SAMD13: variants seen among roughly 807,000 people sequenced by gnomAD.
SAMD13 encodes sterile alpha motif domain-containing protein 13.
A neutral mutation model predicts 12.4 loss-of-function variants in SAMD13; 9 were observed. The observed-to-expected ratio is 0.72, with a 90% confidence interval of 0.44 to 1.26. The LOEUF is 1.26. Among genes scored for constraint, SAMD13 ranks in the 50% most tolerant of loss-of-function variants. The probability of loss-of-function intolerance (pLI) is 0.00; values close to 1 mark genes in which losing one functional copy is unlikely to be tolerated. For missense variants in SAMD13, 84 were observed against 119.6 expected, an observed-to-expected ratio of 0.70 and a Z score of 1.39; for synonymous variants, 46 against 45.4, an observed-to-expected ratio of 1.01 and a Z score of -0.05.
chr1:84,348,594 A>C (rs1679583295), intron 3 of SAMD13, among the ~76,000 whole-genome samples: 2 of 152,224 alleles, frequency 1.3e-5, no homozygotes, highest in Admixed American at 1.3e-4. Context: ...AAACAATAAC[A>C]AAAATAATGT....
At chr1:84,341,879 C>A (rs1457957845) in intron 3 of SAMD13, among the ~76,000 whole-genome samples, 1 of 152,132 alleles carries the variant, frequency 6.6e-6, no homozygotes, top group Non-Finnish European at 1.5e-5. Flanking sequence ...AGTAGACCAA[C>A]AGATATTACC....
At chr1:84,325,857 G>C in intron 3 of SAMD13, 109 bp downstream of exon 3, 1 of 683,192 alleles carries the variant, frequency 1.5e-6, no homozygotes, top group South Asian at 1.7e-5. Flanking sequence ...AAAGAGCAGG[G>C]AGGAATCAGT....
upstream of SAMD13, among the ~76,000 whole-genome samples, chr1:84,298,952 A>C (rs1488980475): frequency 1.3e-5 from 2 of 152,088 alleles, no homozygotes; most frequent in Non-Finnish European, 1.5e-5. Context: ...CCTCTCCGTG[A>C]AAGTCTTAGC....
Position 84,338,760 on chromosome 1 carries a change from A to G in SAMD13, c.166-10871A>G, listed in dbSNP as rs188712173. ...GCTGGGAACTCCTCTTTTTAAAACC[A>G]TTAGATCTCCTGAGACTTATTCACT... On this transcript the variant is annotated intron_variant, in intron 3 of 3. Transcript: ENST00000394834. Among the ~76,000 whole-genome samples, 681 of 152,156 alleles carry G rather than the reference A, an allele frequency of 4.5e-3. 9 individuals carry two copies. Among genetic ancestry groups the G allele is most frequent in the Non-Finnish European group, 4.9e-3 (330 of 67,980 alleles).
chr1:84,309,596 G>T (rs374291649), intron 2 of SAMD13, among the ~76,000 whole-genome samples: 2 of 152,034 alleles, frequency 1.3e-5, no homozygotes, highest in Non-Finnish European at 2.9e-5. Context: ...TATGATTTTG[G>T]CATGACAATC....
At chr1:84,325,866 GT>G in intron 3 of SAMD13, 118 bp downstream of exon 3, 5 of 655,092 alleles carry the variant, frequency 7.6e-6, no homozygotes. Context: ...GGAGGAATCA[GT>G]GAGGCTCTGA....
At chr1:84,331,983 A>G (rs1679200091) in intron 3 of SAMD13, among the ~76,000 whole-genome samples, 2 of 152,006 alleles carry the variant, frequency 1.3e-5, no homozygotes, top group Non-Finnish European at 1.5e-5. Flanking sequence ...AACATAAGGT[A>G]TTTGGTTTTC....
At chr1:84,299,620 G>A, upstream of SAMD13, 2 of 1,508,214 alleles carry the variant, frequency 1.3e-6, no homozygotes, top group Non-Finnish European at 1.8e-6. Context: ...AGGATTGATG[G>A]CAAACAGTTT....
At chr1:84,316,473 A>G (rs959516766) in intron 2 of SAMD13, among the ~76,000 whole-genome samples, 5 of 151,880 alleles carry the variant, frequency 3.3e-5, no homozygotes, top group Admixed American at 2.6e-4. Context: ...AGTTGAAGAG[A>G]CTCATCTTTC....
At chr1:84,345,578 G>A (rs774586420) in intron 3 of SAMD13, among the ~76,000 whole-genome samples, 15 of 152,270 alleles carry the variant, frequency 9.9e-5, no homozygotes, top group Middle Eastern at 3.4e-3. Context: ...CCCAGTCAGC[G>A]CAGAGCCCGA....
chr1:84,317,388 T>A (rs1409307910), intron 2 of SAMD13, among the ~76,000 whole-genome samples: 1 of 152,194 alleles, frequency 6.6e-6, no homozygotes, highest in East Asian at 1.9e-4. Flanking sequence ...CCTCTATCCC[T>A]ACTTTGTTGA....
At chr1:84,322,581 T>C (rs1239629879) in intron 2 of SAMD13, among the ~76,000 whole-genome samples, 1 of 152,206 alleles carries the variant, frequency 6.6e-6, no homozygotes, top group Admixed American at 6.5e-5. Context: ...GCTACAAAGA[T>C]GAAGATAGGT....
chr1:84,311,341 AAAAAAAAAAGAAAAG>A, intron 2 of SAMD13, among the ~76,000 whole-genome samples: 1 of 151,364 alleles, frequency 6.6e-6, no homozygotes. Flanking sequence ...CTAAAAAAAA[AAAAAAAAAAGAAAAG>A]AAAAGAAAAG....
Position 84,325,419 on chromosome 1 carries a change from A to G in SAMD13, c.54-218A>G, listed in dbSNP as rs191161850. ...GAATATCATACTCTGGGCTGCCAGC[A>G]GTCACTGGACCACTCTCAATGTCTC... is the stretch of plus-strand genomic sequence containing the variant. On this transcript the variant is annotated intron_variant, in intron 2 of 3. Transcript: ENST00000394834. Among the ~76,000 whole-genome samples the G allele has an allele frequency of 1.3e-4, 20 of 152,328 alleles. No individual in the cohort carries two copies. The East Asian group carries it at 3.9e-3, about 29-fold the overall frequency.
intron 2 of SAMD13, among the ~76,000 whole-genome samples, chr1:84,311,157 GAAATCCCATCTCTACTA>G (rs913469378): frequency 6.1e-4 from 93 of 151,994 alleles, no homozygotes; most frequent in African/African-American, 2.0e-3. Context: ...CCAACATGGT[GAAATCCCATCTCTACTA>G]AAAATACAAA....
In SAMD13 at chr1:84,321,802, C is replaced by T. The variant is rs183087130; in HGVS notation, c.54-3835C>T. Among the ~76,000 whole-genome samples, 4 of 152,278 alleles carry T rather than the reference C, an allele frequency of 2.6e-5. No individual in the cohort carries two copies. In the East Asian group the frequency reaches 5.8e-4, roughly 22 times the overall value. On this transcript the variant is annotated intron_variant, in intron 2 of 3. Transcript: ENST00000394834. The stretch of plus-strand genomic sequence containing the variant: ...GGCTTTGGCCCTCTGGCTCCTGCCC[C>T]GCACACCCTTCCACTTGGCTTACGC...
At position 84,347,844 on chromosome 1, in the gene SAMD13, C is replaced by T. The variant is rs1200323012; in HGVS notation, c.166-1787C>T. 3.3e-5 allele frequency among the ~76,000 whole-genome samples: 5 copies of T among 152,166 alleles called. No homozygotes were observed. The South Asian group carries it at 8.3e-4, about 25-fold the overall frequency. The stretch of plus-strand genomic sequence containing the variant: ...CAGCAATCTCTAGGATTACTACTTG[C>T]CTAAATAAGAAGCAAAGTACTTTAG... On this transcript the variant is annotated intron_variant, in intron 3 of 3. Coordinates refer to ENST00000394834, the MANE Select transcript of SAMD13 (RefSeq NM_001134663.2).
At chr1:84,331,352 A>AAT (rs1553201697) in intron 3 of SAMD13, among the ~76,000 whole-genome samples, 1 of 25,950 alleles carries the variant, frequency 3.9e-5, no homozygotes, top group African/African-American at 7.7e-5. Flanking sequence ...AAAAAAAAAA[A>AAT]AAAAAATTAT....
upstream of SAMD13, among the ~76,000 whole-genome samples, chr1:84,301,278 T>C (rs1479009063): frequency 2.6e-5 from 4 of 152,208 alleles, no homozygotes; most frequent in Non-Finnish European, 5.9e-5. Flanking sequence ...AAGAGTAACA[T>C]GGGACTGCAG....
Sources: gnomAD v4.1 joint callset for allele counts (sites outside exome capture counted in the v4.1 genomes callset) on GRCh38, gnomAD v4.1.1 for gene constraint, MANE v1.5 for transcripts, NCBI Gene and HGNC (gene_info 2026-07-23, HGNC 2026-07-21) for gene names.